Variants in LPAR3 observed in about 807,000 individuals in gnomAD.
The protein encoded by LPAR3 is LPA receptor 3.
Under a neutral mutation model 17.8 loss-of-function variants are expected in LPAR3, and 7 were observed. The ratio of observed to expected loss-of-function variants is 0.39; its 90% CI spans 0.22 to 0.74. The LOEUF is 0.74. LPAR3 is among the 30% of genes least tolerant of loss of function. The probability of loss-of-function intolerance (pLI) is 0.40; values close to 1 mark genes in which losing one functional copy is unlikely to be tolerated. For synonymous variants in LPAR3, 179 were observed against 179.9 expected, an observed-to-expected ratio of 0.99 and a Z score of 0.04; for missense variants, 391 against 453.4, an observed-to-expected ratio of 0.86 and a Z score of 1.25.
intron 1 of LPAR3, among the ~76,000 whole-genome samples, chr1:84,870,676 C>A (rs1660143521): frequency 1.3e-5 from 2 of 152,128 alleles, no homozygotes; most frequent in Non-Finnish European, 2.9e-5. Flanking sequence ...ATCCTCCCAA[C>A]AATGATGTAG....
chr1:84,826,243 G>A (rs1379620985), intron 2 of LPAR3, among the ~76,000 whole-genome samples: 1 of 151,624 alleles, frequency 6.6e-6, no homozygotes, highest in African/African-American at 2.4e-5. Context: ...TTTACAGATA[G>A]TCTGAAGAAT....
intron 2 of LPAR3, among the ~76,000 whole-genome samples, chr1:84,864,665 C>A (rs1182479148): frequency 1.3e-5 from 2 of 152,114 alleles, no homozygotes; most frequent in Non-Finnish European, 2.9e-5. Flanking sequence ...TGCCTGTAAT[C>A]CCAGCAACTT....
intron 2 of LPAR3, among the ~76,000 whole-genome samples, chr1:84,842,416 A>G (rs1659520303): frequency 1.3e-5 from 2 of 152,258 alleles, no homozygotes; most frequent in Non-Finnish European, 2.9e-5. Flanking sequence ...AAACAAACCT[A>G]TAACGTATGG....
intron 2 of LPAR3, among the ~76,000 whole-genome samples, chr1:84,853,603 C>T (rs547091442): frequency 2.0e-5 from 3 of 152,302 alleles, no homozygotes; most frequent in Admixed American, 6.5e-5. Context: ...TCCCCTGCAG[C>T]CCCGATGGGC....
intron 1 of LPAR3, among the ~76,000 whole-genome samples, chr1:84,878,316 C>T (rs936567535): frequency 2.6e-5 from 4 of 152,152 alleles, no homozygotes; most frequent in Non-Finnish European, 4.4e-5. Flanking sequence ...TGACTTGACG[C>T]TCCTGTTTTT....
At chr1:84,818,049 C>G (rs1430838650) in intron 2 of LPAR3, among the ~76,000 whole-genome samples, 5 of 152,134 alleles carry the variant, frequency 3.3e-5, no homozygotes, top group African/African-American at 9.7e-5. Flanking sequence ...TTCCACTGAT[C>G]GGCTGTGTGC....
chr1:84,860,301 A>T (rs191877096), intron 2 of LPAR3, among the ~76,000 whole-genome samples: 255 of 152,284 alleles, frequency 1.7e-3, no homozygotes, highest in Non-Finnish European at 2.8e-3. Flanking sequence ...AAGGAACACA[A>T]AGGTCATCTG....
At chr1:84,835,766 CT>C (rs925250693) in intron 2 of LPAR3, among the ~76,000 whole-genome samples, 1 of 152,156 alleles carries the variant, frequency 6.6e-6, no homozygotes, top group Non-Finnish European at 1.5e-5. Context: ...AATCACCAAA[CT>C]TCAGGTGTAA....
chr1:84,886,701 T>C (rs922643967), intron 1 of LPAR3, among the ~76,000 whole-genome samples: 3 of 152,192 alleles, frequency 2.0e-5, no homozygotes, highest in East Asian at 1.9e-4. Flanking sequence ...GAAAATATCA[T>C]GTTGTATGCC....
intron 1 of LPAR3, among the ~76,000 whole-genome samples, chr1:84,875,382 G>T (rs1570902170): frequency 6.6e-6 from 1 of 152,230 alleles, no homozygotes; most frequent in South Asian, 2.1e-4. Context: ...TTAATCCCCA[G>T]TGCAGCAGTG....
chr1:84,850,412 A>AAAAAAAAAAAG (rs1553148195), intron 2 of LPAR3, among the ~76,000 whole-genome samples: 6 of 149,838 alleles, frequency 4.0e-5, no homozygotes, highest in Non-Finnish European at 7.4e-5. Context: ...AAAAAAAAAA[A>AAAAAAAAAAAG]AAAAAGAAAA....
intron 2 of LPAR3, among the ~76,000 whole-genome samples, chr1:84,822,318 T>C (rs1659074329): frequency 6.6e-6 from 1 of 152,070 alleles, no homozygotes; most frequent in Admixed American, 6.6e-5. Context: ...AGTTTGAGAG[T>C]TGTACTCAAA....
At chr1:84,829,716 A>G (rs1659245588) in intron 2 of LPAR3, among the ~76,000 whole-genome samples, 2 of 152,178 alleles carry the variant, frequency 1.3e-5, no homozygotes, top group Non-Finnish European at 2.9e-5. Context: ...AAAAAGAAAA[A>G]GAAACACTCT....
intron 2 of LPAR3, among the ~76,000 whole-genome samples, chr1:84,830,756 C>A (rs953992372): frequency 1.3e-5 from 2 of 152,138 alleles, no homozygotes; most frequent in African/African-American, 4.8e-5. Context: ...ATTAAATGTG[C>A]TCCCTGCCAG....
chr1:84,869,800 G>T (rs1660123291), intron 1 of LPAR3, among the ~76,000 whole-genome samples: 1 of 152,094 alleles, frequency 6.6e-6, no homozygotes, highest in South Asian at 2.1e-4. Flanking sequence ...AATGTTCAAA[G>T]GAAAAGCCTC....
intron 1 of LPAR3, among the ~76,000 whole-genome samples, chr1:84,881,905 T>G (rs1660373345): frequency 6.6e-6 from 1 of 152,194 alleles, no homozygotes. Flanking sequence ...TGAAAGCTTT[T>G]GCTCCAAGAT....
intron 1 of LPAR3, among the ~76,000 whole-genome samples, chr1:84,885,683 C>T (rs1159703462): frequency 1.3e-5 from 2 of 152,108 alleles, no homozygotes; most frequent in Non-Finnish European, 2.9e-5. Flanking sequence ...GGACTGGAGA[C>T]TGATGATTAA....
In LPAR3 at chr1:84,813,158, T is replaced by TATATATATAGAGAGAGAGAGAGAGAGAG. The variant is rs1206774677; in HGVS notation, c.*687_*688insCTCTCTCTCTCTCTCTCTCTATATATAT. The TATATATATAGAGAGAGAGAGAGAGAGAG allele has an allele frequency of 9.8e-6, 1 of 101,696 alleles. No homozygotes were observed. Among genetic ancestry groups the TATATATATAGAGAGAGAGAGAGAGAGAG allele is most frequent in the Non-Finnish European group, 2.1e-5 (1 of 47,318 alleles). 6.3% of individuals were successfully genotyped at this position (101,696 alleles called of 1,614,324 possible). ...ATATATATATATATATATATATATA[T>TATATATATAGAGAGAGAGAGAGAGAGAG]AGACACACACACACACACACACACA... On this transcript the variant is annotated 3_prime_UTR_variant, in exon 3 of 3. Coordinates refer to ENST00000370611, the MANE Select transcript of LPAR3 (RefSeq NM_012152.3).
At chr1:84,873,612 G>T (rs771993933) in intron 1 of LPAR3, among the ~76,000 whole-genome samples, 3 of 152,320 alleles carry the variant, frequency 2.0e-5, no homozygotes, top group Non-Finnish European at 4.4e-5. Flanking sequence ...AGGGGTGCTT[G>T]TTAAGGGTAG....
Sources: gnomAD v4.1 joint callset for allele counts (sites outside exome capture counted in the v4.1 genomes callset) on GRCh38, gnomAD v4.1.1 for gene constraint, MANE v1.5 for transcripts, NCBI Gene and HGNC (gene_info 2026-07-23, HGNC 2026-07-21) for gene names.